DNAH12: variants seen among roughly 807,000 people sequenced by gnomAD.
The protein encoded by DNAH12 is axonemal beta dynein heavy chain 12.
In DNAH12, 285 loss-of-function variants were observed where a neutral mutation model predicts 371.5. The ratio of observed to expected loss-of-function variants is 0.77; its 90% CI spans 0.70 to 0.85. DNAH12 has a LOEUF of 0.85. DNAH12 is among the 40% of genes least tolerant of loss of function. DNAH12 has a pLI of 0.00. For missense variants in DNAH12, 3,611 were observed against 3,689.4 expected, an observed-to-expected ratio of 0.98 and a Z score of 0.55; for synonymous variants, 1,200 against 1,213.0, an observed-to-expected ratio of 0.99 and a Z score of 0.22.
In DNAH12 at chr3:57,408,382, C is replaced by G. The variant is rs1553681943; in HGVS notation, c.6174G>C (p.Met2058Ile). ...CSINSFSDET[M>I]VRIFSSIVAF... ...CTACAATAGATGAGAAGATTCGGAC[C>G]ATAGTTTCATCACTAAAAGAATTAA... Residue 2058 changes from methionine (M) to isoleucine (I), a missense_variant, in exon 40 of 74, where the codon ATG becomes ATC. Transcript: ENST00000495027. The G allele has an allele frequency of 6.4e-7, 1 of 1,551,460 alleles. No homozygotes were observed. The highest frequency in any genetic ancestry group is 2.0e-5 in the Admixed American group (1 of 50,982).
chr3:57,509,687 C>A (rs990974404), intron 5 of DNAH12, among the ~76,000 whole-genome samples: 11 of 151,704 alleles, frequency 7.3e-5, no homozygotes, highest in African/African-American at 2.4e-4. Context: ...CATGGTGAAA[C>A]CCCATCTCTA....
intron 34 of DNAH12, among the ~76,000 whole-genome samples, chr3:57,426,176 C>T (rs1392408276): frequency 1.3e-5 from 2 of 152,034 alleles, no homozygotes; most frequent in Non-Finnish European, 2.9e-5. Flanking sequence ...TAAGGGGATT[C>T]TGTAGGATAT....
intron 40 of DNAH12, among the ~76,000 whole-genome samples, 191 bp downstream of exon 40, chr3:57,408,089 G>A (rs1280042321): frequency 6.6e-6 from 1 of 151,900 alleles, no homozygotes; most frequent in African/African-American, 2.4e-5. Context: ...CATATAGCTA[G>A]GAAATAGCAG....
chr3:57,396,047 G>A (rs1387361476), intron 43 of DNAH12, among the ~76,000 whole-genome samples: 1 of 151,886 alleles, frequency 6.6e-6, no homozygotes, highest in Non-Finnish European at 1.5e-5. Context: ...GGGAGACTGA[G>A]GCAGGTGGAT....
At chr3:57,371,796 G>C (rs1387304157) in intron 55 of DNAH12, among the ~76,000 whole-genome samples, 3 of 150,574 alleles carry the variant, frequency 2.0e-5, no homozygotes, top group Admixed American at 2.0e-4. Flanking sequence ...ACATAAAGAG[G>C]AACTAAAGTA....
intron 43 of DNAH12, chr3:57,402,444 A>G (rs1553679255): frequency 7.7e-7 from 1 of 1,304,752 alleles, no homozygotes; most frequent in Non-Finnish European, 1.0e-6. Flanking sequence ...AGAAACTATT[A>G]AGATTACTAC....
At chr3:57,315,693 G>T (rs1220358308) in intron 65 of DNAH12, among the ~76,000 whole-genome samples, 60 of 152,136 alleles carry the variant, frequency 3.9e-4, no homozygotes, top group Admixed American at 3.7e-3. Flanking sequence ...AAAGGAGTAG[G>T]GAAAGGGAGG....
intron 62 of DNAH12, among the ~76,000 whole-genome samples, chr3:57,332,642 T>C (rs1397638706): frequency 6.6e-6 from 1 of 152,204 alleles, no homozygotes; most frequent in Non-Finnish European, 1.5e-5. Context: ...CTGCTGGAAG[T>C]TGCAGAGTTC....
intron 41 of DNAH12, 108 bp from the exon 42 acceptor site, chr3:57,405,255 C>A (rs969348528): frequency 1.0e-6 from 1 of 953,126 alleles, no homozygotes; most frequent in Admixed American, 3.4e-5. Flanking sequence ...AGTTTTTAAA[C>A]ATTAGGGTAG....
chr3:57,386,721 G>A (rs1575530576), intron 46 of DNAH12, 118 bp from the exon 47 acceptor site: 1 of 152,162 alleles, frequency 6.6e-6, no homozygotes, highest in Admixed American at 6.5e-5. Flanking sequence ...AAGCTACTGA[G>A]TACTTGAACA....
chr3:57,471,451 T>C, intron 15 of DNAH12, 21 bp downstream of exon 15: 1 of 1,521,612 alleles, frequency 6.6e-7, no homozygotes, highest in Non-Finnish European at 8.8e-7. Context: ...CCATAGCTAT[T>C]GTCTCATATA....
At chr3:57,413,001 C>T (rs1228873479) in intron 39 of DNAH12, among the ~76,000 whole-genome samples, 1 of 152,154 alleles carries the variant, frequency 6.6e-6, no homozygotes, top group Non-Finnish European at 1.5e-5. Context: ...TTTATAGCAA[C>T]TTTATTCATA....
intron 2 of DNAH12, among the ~76,000 whole-genome samples, chr3:57,532,900 GCTTCTGT>G: frequency 6.6e-6 from 1 of 152,202 alleles, no homozygotes; most frequent in Non-Finnish European, 1.5e-5. Context: ...AGCAAGACAG[GCTTCTGT>G]CCCTCCCTTT....
At chr3:57,520,135 G>C (rs1284925533) in intron 4 of DNAH12, 1 of 433,168 alleles carries the variant, frequency 2.3e-6, no homozygotes, top group Non-Finnish European at 4.3e-6. Flanking sequence ...TTTTTGAGAC[G>C]GAGTTTCGCT....
chr3:57,355,842 T>C (rs2062784988), intron 59 of DNAH12, among the ~76,000 whole-genome samples: 1 of 152,200 alleles, frequency 6.6e-6, no homozygotes, highest in South Asian at 2.1e-4. Context: ...ACAGCATACA[T>C]GATTGGCTCA....
At chr3:57,302,429 T>C (rs1244382190) in intron 69 of DNAH12, among the ~76,000 whole-genome samples, 2 of 149,986 alleles carry the variant, frequency 1.3e-5, no homozygotes, top group East Asian at 4.0e-4. Flanking sequence ...AGTGAGAGTT[T>C]TTAGGCTAGA....
rs749692413 is a variant in DNAH12 at position 57,437,009 on chromosome 3, C to T, written c.4597G>A (p.Val1533Ile). The part of the protein sequence containing the change: ...EACNVHNLQP[V>I]KFFLEKIIQT... ...ATTATTTTTTCAAGAAAAAATTTAA[C>T]AGGCTGAAGATTATGTACATTGCAG... Residue 1533 changes from valine to isoleucine, a missense_variant, in exon 30 of 74, where the codon GTT (valine) becomes ATT (isoleucine). By Grantham distance (29) the Val-to-Ile change is conservative (BLOSUM62 3). This residue lies in a region of DNAH12 where 2,266 missense variants were observed against 2,236.9 expected (regional missense o/e 1.01). Coordinates refer to ENST00000495027, the MANE Select transcript of DNAH12 (RefSeq NM_001366028.2). The T allele has an allele frequency of 2.1e-4, 317 of 1,510,678 alleles. No individual in the cohort carries two copies. Among genetic ancestry groups the T allele is most frequent in the Non-Finnish European group, 2.7e-4 (302 of 1,136,532 alleles). 93.6% of individuals were successfully genotyped at this position (1,510,678 alleles called of 1,614,324 possible). A position where few individuals can be genotyped will look rare whatever the true frequency, so the allele number is the denominator to read the frequency against.
At chr3:57,396,079 G>C (rs2063730725) in intron 43 of DNAH12, among the ~76,000 whole-genome samples, 1 of 151,716 alleles carries the variant, frequency 6.6e-6, no homozygotes, top group South Asian at 2.1e-4. Flanking sequence ...GGGAGTTCGA[G>C]ACCAGCCTGA....
rs1553711615 is a variant in DNAH12 at position 57,499,647 on chromosome 3, A to AT, written c.1335+1673_1335+1674insA. ...CATCTCTACAAAAAAAAAAAAAAAA[A>AT]ATATATATATATATATATATATATA... On this transcript the variant is annotated intron_variant, in intron 11 of 73. Coordinates refer to ENST00000495027, the MANE Select transcript of DNAH12 (RefSeq NM_001366028.2). Among the ~76,000 whole-genome samples, 39 of 17,956 alleles carry AT rather than the reference A, an allele frequency of 2.2e-3. 1 individual carries two copies. Among genetic ancestry groups the AT allele is most frequent in the East Asian group, 0.014 (19 of 1,358 alleles). The allele number at this position is 17,956 out of a possible 152,430, so 11.8% of individuals were successfully genotyped here. A position where few individuals can be genotyped will look rare whatever the true frequency, so the allele number is the denominator to read the frequency against.
Sources: allele counts gnomAD v4.1 joint callset (sites outside exome capture counted in the v4.1 genomes callset), GRCh38; gene constraint gnomAD v4.1.1; regional missense constraint gnomAD v4.1.1; transcripts MANE v1.5; gene names NCBI Gene and HGNC (gene_info 2026-07-23, HGNC 2026-07-21).